Variants in NOX4 observed in about 807,000 individuals in gnomAD.
The protein encoded by NOX4 is NADPH oxidase 4, also known as kidney oxidase-1.
NOX4 carries 69 observed loss-of-function variants against 87.6 expected under a neutral mutation model. The ratio of observed to expected loss-of-function variants is 0.79; its 90% CI spans 0.65 to 0.96. The LOEUF is 0.96. Among genes scored for constraint, NOX4 ranks in the 40% least tolerant of loss-of-function variants. The probability of loss-of-function intolerance (pLI) is 0.00; values close to 1 mark genes in which losing one functional copy is unlikely to be tolerated. For synonymous variants in NOX4, 275 were observed against 238.2 expected (o/e 1.15, Z -1.42); for missense variants, 680 against 681.5 (o/e 1.00, Z 0.02).
Position 89,377,435 on chromosome 11 carries a change from A to G in NOX4, c.1075-3943T>C, listed in dbSNP as rs2135078620. Among the ~76,000 whole-genome samples, 5 of 152,296 alleles carry G rather than the reference A, an allele frequency of 3.3e-5. 1 individual carries two copies. In the East Asian group the frequency reaches 9.7e-4, roughly 29 times the overall value. ...AAAGTGACAATCTGACTGTAACAAC[A>G]GATCTGGAGAAATACGTATTTTAAT... On this transcript the variant is annotated intron_variant, in intron 11 of 17. Coordinates refer to ENST00000263317, the MANE Select transcript of NOX4 (RefSeq NM_016931.5).
the NOX4 span, among the ~76,000 whole-genome samples, chr11:89,574,535 T>C: frequency 6.6e-6 from 1 of 152,256 alleles, no homozygotes; most frequent in Non-Finnish European, 1.5e-5. Flanking sequence ...TTTAGCTCTT[T>C]GTTATGCTCT....
At chr11:89,419,621 T>C (rs143092894) in intron 8 of NOX4, among the ~76,000 whole-genome samples, 146 of 152,020 alleles carry the variant, frequency 9.6e-4, no homozygotes, top group African/African-American at 2.6e-3. Flanking sequence ...TACATATTAA[T>C]TTAGTTTAAT....
rs1311441936 is a variant in NOX4 at position 89,410,708 on chromosome 11, T to A, written c.630-8166A>T. 2.0e-5 allele frequency among the ~76,000 whole-genome samples: 3 copies of A among 152,188 alleles called. No homozygotes were observed. The East Asian group carries it at 5.8e-4, about 29-fold the overall frequency. ...CTAGCCAAAAAGGAATTGCCCATTC[T>A]AGCAGTCAAAACCTAAGTCTCAGCA... is the stretch of plus-strand genomic sequence containing the variant. On this transcript the variant is annotated intron_variant, in intron 8 of 17. Coordinates refer to ENST00000263317, the MANE Select transcript of NOX4 (RefSeq NM_016931.5).
intron 11 of NOX4, 38 bp from the exon 12 acceptor site, chr11:89,373,530 T>G: frequency 2.5e-6 from 3 of 1,211,658 alleles, no homozygotes; most frequent in Non-Finnish European, 3.7e-6. Context: ...GATTAATAAT[T>G]ACATAATATG....
chr11:89,585,318 C>A, the NOX4 span, among the ~76,000 whole-genome samples: 5 of 152,112 alleles, frequency 3.3e-5, no homozygotes, highest in East Asian at 9.7e-4. Flanking sequence ...ATTCACCAGA[C>A]CTTCTGAAAT....
At chr11:89,555,622 T>C in the NOX4 span, among the ~76,000 whole-genome samples, 2 of 152,238 alleles carry the variant, frequency 1.3e-5, no homozygotes, top group African/African-American at 4.8e-5. Context: ...TCTCCAGGTC[T>C]TCAGTGGGAA....
chr11:89,410,245 T>C lies in NOX4; in HGVS notation c.630-7703A>G, dbSNP rs190782989. ...TATACTAGTTGCCATAATAACTAAT[T>C]ACCTAGATAAGACTAAATATAAATG... On this transcript the variant is annotated intron_variant, in intron 8 of 17. Coordinates refer to ENST00000263317, the MANE Select transcript of NOX4 (RefSeq NM_016931.5). 2.9e-3 allele frequency among the ~76,000 whole-genome samples: 445 copies of C among 152,288 alleles called. 1 individual carries two copies. Among genetic ancestry groups the C allele is most frequent in the African/African-American group, 8.8e-3 (367 of 41,568 alleles).
intron 7 of NOX4, among the ~76,000 whole-genome samples, chr11:89,422,479 A>G (rs1026307240): frequency 6.6e-6 from 1 of 152,210 alleles, no homozygotes; most frequent in Non-Finnish European, 1.5e-5. Flanking sequence ...TGATACCTCA[A>G]TGTTATTGCT....
intron 6 of NOX4, among the ~76,000 whole-genome samples, chr11:89,436,510 T>A (rs1008162560): frequency 6.6e-6 from 1 of 152,136 alleles, no homozygotes; most frequent in Non-Finnish European, 1.5e-5. Context: ...GCAAAATACA[T>A]GTTTACATGT....
chr11:89,576,007 G>T, the NOX4 span, among the ~76,000 whole-genome samples: 1 of 152,166 alleles, frequency 6.6e-6, no homozygotes, highest in African/African-American at 2.4e-5. Flanking sequence ...TAACAAGACT[G>T]TATTTCTCTG....
intron 11 of NOX4, among the ~76,000 whole-genome samples, chr11:89,394,835 T>C (rs1351620237): frequency 2.0e-5 from 3 of 152,192 alleles, no homozygotes; most frequent in Non-Finnish European, 4.4e-5. Context: ...CATGAACTCA[T>C]CTGTTTTTAT....
intron 2 of NOX4, among the ~76,000 whole-genome samples, chr11:89,476,578 T>G (rs191943603): frequency 8.5e-5 from 13 of 152,212 alleles, no homozygotes; most frequent in Admixed American, 2.0e-4. Flanking sequence ...TTAAACAAAA[T>G]GAACAACTTA....
intron 8 of NOX4, among the ~76,000 whole-genome samples, chr11:89,408,352 A>C (rs746357313): frequency 5.3e-5 from 8 of 152,160 alleles, no homozygotes; most frequent in Non-Finnish European, 1.2e-4. Context: ...CTCATTTTCA[A>C]CCTTCAAAAA....
intron 7 of NOX4, among the ~76,000 whole-genome samples, chr11:89,423,525 C>G (rs140944058): frequency 9.4e-4 from 143 of 151,982 alleles, no homozygotes; most frequent in African/African-American, 2.6e-3. Context: ...TGACTTTGTC[C>G]CTTGGTTCAA....
At chr11:89,573,646 G>C in the NOX4 span, among the ~76,000 whole-genome samples, 48 of 152,260 alleles carry the variant, frequency 3.2e-4, no homozygotes, top group Middle Eastern at 6.8e-3. Flanking sequence ...ATTCAATTTA[G>C]GGGCATAAGG....
chr11:89,547,388 T>C, the NOX4 span, among the ~76,000 whole-genome samples: 2 of 152,150 alleles, frequency 1.3e-5, no homozygotes, highest in East Asian at 3.9e-4. Context: ...GAATAATAAT[T>C]TCTCCTTCTT....
At chr11:89,486,004 G>C (rs1004821402) in intron 2 of NOX4, among the ~76,000 whole-genome samples, 4 of 151,928 alleles carry the variant, frequency 2.6e-5, no homozygotes, top group African/African-American at 9.7e-5. Flanking sequence ...ATCATGATGA[G>C]AACCCCCAAT....
chr11:89,510,208 G>A, the NOX4 span, among the ~76,000 whole-genome samples: 15 of 152,060 alleles, frequency 9.9e-5, 1 homozygote, highest in Admixed American at 9.8e-4. Context: ...TGCTCATTCA[G>A]ATCTTACAGA....
At chr11:89,474,458 C>CAAAAAAAAA (rs67342388) in intron 2 of NOX4, among the ~76,000 whole-genome samples, 3 of 97,042 alleles carry the variant, frequency 3.1e-5, no homozygotes, top group Admixed American at 1.1e-4. Context: ...TCTATAATAC[C>CAAAAAAAAA]AAAAAAAAAA....
Sources: allele counts gnomAD v4.1 joint callset (sites outside exome capture counted in the v4.1 genomes callset), GRCh38; gene constraint gnomAD v4.1.1; transcripts MANE v1.5; gene names NCBI Gene and HGNC (gene_info 2026-07-23, HGNC 2026-07-21).